The following VPS54 variants were observed in gnomAD, a reference collection of about 807,000 sequenced individuals.
The protein encoded by VPS54 is vacuolar protein sorting-associated protein 54.
A neutral mutation model predicts 121.5 loss-of-function variants in VPS54; 45 were observed. The observed-to-expected ratio is 0.37, with a 90% CI of 0.29 to 0.47. The LOEUF (loss-of-function observed/expected upper bound fraction) is 0.47, where lower values mean the gene tolerates loss of function less well. VPS54 is among the 20% of genes least tolerant of loss of function. VPS54 has a pLI of 0.99. For synonymous variants in VPS54, 371 were observed against 385.8 expected, an observed-to-expected ratio of 0.96 and a Z score of 0.45; for missense variants, 1,090 against 1,131.4, an observed-to-expected ratio of 0.96 and a Z score of 0.52.
At chr2:63,980,645 G>T (rs1350083761) in intron 3 of VPS54, among the ~76,000 whole-genome samples, 1 of 152,046 alleles carries the variant, frequency 6.6e-6, no homozygotes, top group East Asian at 1.9e-4. Flanking sequence ...ACATAGCTTT[G>T]TAAGGGAAGG....
intron 7 of VPS54, among the ~76,000 whole-genome samples, chr2:63,949,825 A>G (rs907982438): frequency 1.3e-5 from 2 of 152,154 alleles, no homozygotes; most frequent in Non-Finnish European, 2.9e-5. Context: ...TTGTTTCTAT[A>G]TGGTACCAAT....
rs542982886 is a variant in VPS54 at position 63,956,235 on chromosome 2, T to C, written c.1010+5823A>G. Among the ~76,000 whole-genome samples, 4 of 152,282 alleles carry C rather than the reference T, an allele frequency of 2.6e-5. No homozygotes were observed. In the East Asian group the frequency reaches 7.7e-4, roughly 29 times the overall value. On this transcript the variant is annotated intron_variant, in intron 7 of 22. Coordinates refer to ENST00000272322, the MANE Select transcript of VPS54 (RefSeq NM_016516.3). Reference sequence around the variant, plus strand: ...CTACAATATTTTAAAATCTAAATTATAGGAGATTTAAGGTCAAATAACATG... The same window carrying C: ...CTACAATATTTTAAAATCTAAATTACAGGAGATTTAAGGTCAAATAACATG...
chr2:63,912,397 G>C lies in VPS54; in HGVS notation c.2573C>G (p.Ser858Ter), dbSNP rs765277014. Residue 858 changes from serine to a stop codon, truncating the protein, a stop_gained, in exon 20 of 23, where the codon TCA becomes TGA. Transcript: ENST00000272322. LOFTEE classifies it high-confidence loss of function. ...KDYHDHIAEI[S>*]AKLVAIMDSL... ...ATCCATTATCGCTACAAGCTTAGCTGATATTTCAGCTATGTGATCATGGTA... is the reference window on the plus strand; with the variant it reads ...ATCCATTATCGCTACAAGCTTAGCTCATATTTCAGCTATGTGATCATGGTA... 6.2e-7 allele frequency: 1 copy of C among 1,612,328 alleles called. No individual in the cohort carries two copies.
intron 1 of VPS54, among the ~76,000 whole-genome samples, chr2:64,002,358 G>A (rs572023654): frequency 1.3e-5 from 2 of 152,292 alleles, no homozygotes; most frequent in South Asian, 4.1e-4. Flanking sequence ...GTGTGTAGTT[G>A]TTAAATTTGG....
intron 21 of VPS54, among the ~76,000 whole-genome samples, chr2:63,899,220 G>C (rs1005552911): frequency 6.6e-6 from 1 of 152,106 alleles, no homozygotes; most frequent in Non-Finnish European, 1.5e-5. Flanking sequence ...TACTGATCAT[G>C]GACAAATGGA....
intron 16 of VPS54, 55 bp from the exon 17 acceptor site, chr2:63,914,342 G>T: frequency 8.3e-7 from 1 of 1,201,638 alleles, no homozygotes; most frequent in Non-Finnish European, 1.2e-6. Context: ...AAATCAAAAG[G>T]ATTTGGCATA....
chr2:63,953,233 G>A (rs1456895361), intron 7 of VPS54, among the ~76,000 whole-genome samples: 1 of 148,828 alleles, frequency 6.7e-6, no homozygotes, highest in Non-Finnish European at 1.5e-5. Flanking sequence ...CCAGGTTCAA[G>A]CAATTCTCGT....
intron 7 of VPS54, among the ~76,000 whole-genome samples, chr2:63,955,466 T>C (rs1287576840): frequency 2.0e-5 from 3 of 152,028 alleles, no homozygotes; most frequent in African/African-American, 4.8e-5. Context: ...CTGTACCTAC[T>C]GATATTTGGG....
chr2:63,904,135 C>A (rs1672803573), intron 20 of VPS54, among the ~76,000 whole-genome samples: 1 of 151,996 alleles, frequency 6.6e-6, no homozygotes, highest in Non-Finnish European at 1.5e-5. Flanking sequence ...AGGAACATAA[C>A]CAGCCATAAA....
At chr2:63,951,693 A>C (rs1675252664) in intron 7 of VPS54, among the ~76,000 whole-genome samples, 2 of 152,218 alleles carry the variant, frequency 1.3e-5, no homozygotes, top group South Asian at 4.1e-4. Flanking sequence ...ATGATAAAAT[A>C]GACTAGTACC....
At chr2:64,002,319 G>A (rs939359406) in intron 1 of VPS54, among the ~76,000 whole-genome samples, 63 of 152,310 alleles carry the variant, frequency 4.1e-4, no homozygotes, top group African/African-American at 1.5e-3. Flanking sequence ...GTGCTCACCT[G>A]ATTTTTGTTT....
At chr2:63,950,973 G>C (rs747207173) in intron 7 of VPS54, among the ~76,000 whole-genome samples, 1 of 151,892 alleles carries the variant, frequency 6.6e-6, no homozygotes. Context: ...ACCATCCTTT[G>C]CTGGCATTAA....
intron 12 of VPS54, among the ~76,000 whole-genome samples, chr2:63,926,378 C>T (rs920347086): frequency 6.6e-6 from 1 of 152,144 alleles, no homozygotes; most frequent in Non-Finnish European, 1.5e-5. Context: ...ACAGAAGAAA[C>T]TTTATTAATA....
At chr2:63,993,396 AGTT>A (rs1482693179) in intron 1 of VPS54, among the ~76,000 whole-genome samples, 1 of 152,150 alleles carries the variant, frequency 6.6e-6, no homozygotes, top group African/African-American at 2.4e-5. Context: ...CAGACCATCC[AGTT>A]ATCTAGAGTA....
intron 12 of VPS54, among the ~76,000 whole-genome samples, chr2:63,922,376 G>C (rs554561555): frequency 1.1e-3 from 175 of 152,260 alleles, no homozygotes; most frequent in Middle Eastern, 6.8e-3. Context: ...AGAGGCTCTG[G>C]TGTATATTAC....
At position 63,942,572 on chromosome 2, in the gene VPS54, A is replaced by T; in HGVS notation, c.1302-11T>A. Reference sequence around the variant, plus strand: ...ATCTGATCTGCAAGCCTAGAAAAAAATAATTCAAACAAAAATAATGATTGT... The same window carrying T: ...ATCTGATCTGCAAGCCTAGAAAAAATTAATTCAAACAAAAATAATGATTGT... On this transcript the variant is annotated splice_polypyrimidine_tract_variant and intron_variant, in intron 10 of 22. Transcript: ENST00000272322. 1 of 1,565,326 alleles carries T rather than the reference A, an allele frequency of 6.4e-7. No homozygotes were observed.
chr2:63,948,745 T>TA (rs141306367), intron 8 of VPS54, among the ~76,000 whole-genome samples: 332 of 152,252 alleles, frequency 2.2e-3, no homozygotes, highest in African/African-American at 7.6e-3. Context: ...CTCGCACACA[T>TA]AAACACAGAA....
chr2:63,893,117 T>G lies in VPS54; in HGVS notation c.*313A>C, dbSNP rs765070927. 11 of 396,064 alleles carry G rather than the reference T, an allele frequency of 2.8e-5. No individual in the cohort carries two copies. Among genetic ancestry groups the G allele is most frequent in the African/African-American group, 6.1e-5 (3 of 49,148 alleles). 24.5% of individuals were successfully genotyped at this position (396,064 alleles called of 1,614,324 possible). A position where few individuals can be genotyped will look rare whatever the true frequency, so the allele number is the denominator to read the frequency against. On this transcript the variant is annotated 3_prime_UTR_variant, in exon 23 of 23. Coordinates refer to ENST00000272322, the MANE Select transcript of VPS54 (RefSeq NM_016516.3). ...ATATAAAGTATACAGAGCATTCTAG[T>G]CAACTACAGCTGTGTTACAGCTATG...
chr2:63,944,701 T>C (rs1194494540), intron 9 of VPS54, 46 bp from the exon 10 acceptor site: 3 of 1,510,502 alleles, frequency 2.0e-6, no homozygotes, highest in Non-Finnish European at 2.7e-6. Flanking sequence ...TAATTGTCTT[T>C]CAAATCCTAA....
Sources: allele counts gnomAD v4.1 joint callset (sites outside exome capture counted in the v4.1 genomes callset), GRCh38; gene constraint gnomAD v4.1.1; transcripts MANE v1.5; gene names NCBI Gene and HGNC (gene_info 2026-07-23, HGNC 2026-07-21).